The following APPL2 variants were observed in gnomAD, a reference collection of about 807,000 sequenced individuals.
The protein encoded by APPL2 is DCC-interacting protein 13-beta.
Under a neutral mutation model 92.7 loss-of-function variants are expected in APPL2, and 84 were observed. That is an observed-to-expected ratio of 0.91 (90% CI 0.76 to 1.09). The LOEUF (loss-of-function observed/expected upper bound fraction) is 1.09. Among genes scored for constraint, APPL2 ranks in the 50% least tolerant of loss-of-function variants. The probability of loss-of-function intolerance (pLI) is 0.00; values close to 1 mark genes in which losing one functional copy is unlikely to be tolerated. For synonymous variants in APPL2, 291 were observed against 291.0 expected, an observed-to-expected ratio of 1.00 and a Z score of 0.00; for missense variants, 736 against 824.5, an observed-to-expected ratio of 0.89 and a Z score of 1.31.
At chr12:105,229,003 A>G (rs1360975725) in intron 2 of APPL2, 122 bp downstream of exon 2, 1 of 831,654 alleles carries the variant, frequency 1.2e-6, no homozygotes, top group East Asian at 2.7e-5. Context: ...AACAGTTCTG[A>G]TTTTGTTTCA....
intron 14 of APPL2, among the ~76,000 whole-genome samples, chr12:105,194,887 A>AC (rs1324890516): frequency 6.6e-6 from 1 of 151,128 alleles, no homozygotes; most frequent in African/African-American, 2.4e-5. Context: ...ATAAAAGGCG[A>AC]TTTTTTTTTC....
intron 1 of APPL2, chr12:105,233,205 C>CT: frequency 1.0e-6 from 1 of 985,468 alleles, no homozygotes; most frequent in Non-Finnish European, 1.2e-6. Flanking sequence ...CATTATCTGT[C>CT]TCTGGAACAA....
At chr12:105,215,064 A>G (rs909333866) in intron 4 of APPL2, among the ~76,000 whole-genome samples, 3 of 152,174 alleles carry the variant, frequency 2.0e-5, no homozygotes, top group African/African-American at 7.2e-5. Flanking sequence ...CCTCTGTAAT[A>G]TCCTTTATAA....
intron 2 of APPL2, among the ~76,000 whole-genome samples, chr12:105,220,857 G>A (rs1251144975): frequency 6.6e-6 from 1 of 152,230 alleles, no homozygotes; most frequent in Non-Finnish European, 1.5e-5. Flanking sequence ...CACAACAGCT[G>A]CCTTCCAAAA....
chr12:105,214,600 A>C (rs1458883817), intron 4 of APPL2, among the ~76,000 whole-genome samples: 1 of 152,240 alleles, frequency 6.6e-6, no homozygotes, highest in Non-Finnish European at 1.5e-5. Flanking sequence ...CTTGGCATAG[A>C]GCTCTGAAAA....
intron 1 of APPL2, among the ~76,000 whole-genome samples, chr12:105,234,541 A>G (rs965979935): frequency 1.3e-5 from 2 of 152,252 alleles, no homozygotes; most frequent in Admixed American, 6.5e-5. Context: ...TGAGGACAAC[A>G]TCAAGAATCA....
intron 4 of APPL2, among the ~76,000 whole-genome samples, chr12:105,216,297 T>G (rs1248540458): frequency 1.3e-5 from 2 of 151,962 alleles, no homozygotes; most frequent in Non-Finnish European, 2.9e-5. Flanking sequence ...GAGGATCCTT[T>G]GAGGCCACAG....
chr12:105,204,256 C>A (rs1199425905), intron 8 of APPL2, among the ~76,000 whole-genome samples: 1 of 152,104 alleles, frequency 6.6e-6, no homozygotes, highest in Admixed American at 6.5e-5. Flanking sequence ...CAGTTGCAAG[C>A]CTAGATGATG....
chr12:105,202,909 G>A (rs1888337410), intron 9 of APPL2, among the ~76,000 whole-genome samples: 1 of 152,126 alleles, frequency 6.6e-6, no homozygotes. Flanking sequence ...CATGAGGTGT[G>A]GTGAAATGCA....
chr12:105,189,574 T>C lies in APPL2; in HGVS notation c.1459+198A>G, dbSNP rs765472806. Among the ~76,000 whole-genome samples the C allele has an allele frequency of 3.9e-4, 60 of 152,222 alleles. 1 individual carries two copies. Among genetic ancestry groups the C allele is most frequent in the Non-Finnish European group, 3.5e-4 (24 of 68,024 alleles). The stretch of plus-strand genomic sequence containing the variant: ...GCTATGGCTAATGGTGAAATAGCTG[T>C]AGGTGGTCTTTCAGCTACCCCTCAG... On this transcript the variant is annotated intron_variant, in intron 16 of 20. Coordinates refer to ENST00000258530, the MANE Select transcript of APPL2 (RefSeq NM_018171.5).
intron 17 of APPL2, among the ~76,000 whole-genome samples, chr12:105,186,698 TC>T (rs747730892): frequency 0.016 from 738 of 46,582 alleles, 9 homozygotes; most frequent in East Asian, 0.037. Context: ...ATATCATATA[TC>T]ATATCATATA....
At chr12:105,214,612 C>A (rs1040465318) in intron 4 of APPL2, among the ~76,000 whole-genome samples, 1 of 152,146 alleles carries the variant, frequency 6.6e-6, no homozygotes, top group African/African-American at 2.4e-5. Context: ...CTCTGAAAAC[C>A]CTTGTAATTT....
intron 10 of APPL2, 117 bp downstream of exon 10, chr12:105,199,256 T>C (rs1185347442): frequency 5.5e-6 from 7 of 1,262,544 alleles, no homozygotes; most frequent in Non-Finnish European, 7.7e-6. Context: ...ATGGGAGTTC[T>C]TCCCAGTCTC....
Position 105,176,083 on chromosome 12 carries a change from C to T in APPL2, c.1813-1G>A, listed in dbSNP as rs1487275757. 1.3e-6 allele frequency: 2 copies of T among 1,590,032 alleles called. No homozygotes were observed. Among genetic ancestry groups the T allele is most frequent in the Admixed American group, 3.7e-5 (2 of 53,726 alleles). ...TTCCCAAATTAATAGCATAACATAT[C>T]TGCAAAAGACAAGAAAAGTAGTGAT... is the stretch of plus-strand genomic sequence containing the variant. On this transcript the variant is annotated splice_acceptor_variant, in intron 19 of 20. Transcript: ENST00000258530. LOFTEE classifies it high-confidence loss of function.
chr12:105,199,385 A>C lies in APPL2; in HGVS notation c.851T>G (p.Leu284Arg). ...GTGGCGTTCTCACTTTCTAAGATTA[A>C]GGTAACCAGCCTTCTGGATGAGGTT... ...NRNLIQKAGY[L>R]NLRNKTGLVT... The change falls in exon 10 of 21, where the codon CTT (leucine) becomes CGT (arginine). Residue 284 changes from leucine to arginine, a missense_variant. Transcript: ENST00000258530. 2 of 1,612,012 alleles carry C rather than the reference A, an allele frequency of 1.2e-6. No individual in the cohort carries two copies. The highest frequency in any genetic ancestry group is 1.7e-6 in the Non-Finnish European group (2 of 1,179,020).
chr12:105,227,081 A>C (rs1890565761), intron 2 of APPL2, among the ~76,000 whole-genome samples: 1 of 151,928 alleles, frequency 6.6e-6, no homozygotes, highest in South Asian at 2.1e-4. Context: ...TAATCATGCC[A>C]CTGTACTCCA....
intron 2 of APPL2, among the ~76,000 whole-genome samples, chr12:105,224,768 C>T (rs577120591): frequency 1.3e-5 from 2 of 152,200 alleles, no homozygotes; most frequent in Non-Finnish European, 2.9e-5. Context: ...CTTCTCCCTC[C>T]CCCATGACAA....
intron 17 of APPL2, among the ~76,000 whole-genome samples, chr12:105,185,588 C>A (rs1005391412): frequency 6.6e-6 from 1 of 151,948 alleles, no homozygotes; most frequent in African/African-American, 2.4e-5. Context: ...CACTGTCTAA[C>A]CAGTCCCAGT....
chr12:105,195,628 C>T lies in APPL2; in HGVS notation c.1053-1G>A. ...GCTCTCAGCCTGGAGGATTATTCCC[C>T]TGAAACAAAAGTGTCTAAGTAATTA... On this transcript the variant is annotated splice_acceptor_variant, in intron 11 of 20. Coordinates refer to ENST00000258530, the MANE Select transcript of APPL2 (RefSeq NM_018171.5). LOFTEE classifies it high-confidence loss of function. 1 of 1,614,156 alleles carries T rather than the reference C, an allele frequency of 6.2e-7. No homozygotes were observed. Among genetic ancestry groups the T allele is most frequent in the Non-Finnish European group, 8.5e-7 (1 of 1,180,034 alleles).
Sources: allele counts gnomAD v4.1 joint callset (sites outside exome capture counted in the v4.1 genomes callset), GRCh38; gene constraint gnomAD v4.1.1; transcripts MANE v1.5; gene names NCBI Gene and HGNC (gene_info 2026-07-23, HGNC 2026-07-21).